Variants in CDK14 observed in about 807,000 individuals in gnomAD.
CDK14 encodes the protein cyclin-dependent kinase 14.
CDK14 carries 34 observed loss-of-function variants against 60.7 expected under a neutral mutation model. The ratio of observed to expected loss-of-function variants is 0.56; its 90% CI spans 0.43 to 0.75. CDK14 has a LOEUF of 0.75. Ranked by LOEUF, CDK14 falls within the 30% of genes least tolerant of loss-of-function variation. CDK14 has a pLI of 0.00. For missense variants in CDK14, 482 were observed against 564.1 expected (o/e 0.85, Z 1.47); for synonymous variants, 197 against 203.7 (o/e 0.97, Z 0.28).
intron 11 of CDK14, among the ~76,000 whole-genome samples, chr7:91,049,572 A>G (rs1797332986): frequency 6.6e-6 from 1 of 152,184 alleles, no homozygotes; most frequent in Admixed American, 6.5e-5. Flanking sequence ...ACAAATTCAT[A>G]TATGTGTATC....
At chr7:90,851,669 T>A (rs921933822) in intron 5 of CDK14, among the ~76,000 whole-genome samples, 2 of 152,150 alleles carry the variant, frequency 1.3e-5, no homozygotes, top group Admixed American at 6.5e-5. Flanking sequence ...CTTTCTCCAA[T>A]TCCTCTGTTT....
At chr7:91,205,661 ATT>A in intron 14 of CDK14, among the ~76,000 whole-genome samples, 1 of 152,358 alleles carries the variant, frequency 6.6e-6, no homozygotes, top group African/African-American at 2.4e-5. Context: ...ACTAAATTAT[ATT>A]CTTTTAAATG....
intron 2 of CDK14, among the ~76,000 whole-genome samples, chr7:90,655,965 T>C (rs1584773143): frequency 1.3e-5 from 2 of 152,210 alleles, no homozygotes; most frequent in South Asian, 4.1e-4. Context: ...AACTTTTTTG[T>C]GTCTCACCAA....
At chr7:90,804,044 C>A (rs1584907243) in intron 5 of CDK14, among the ~76,000 whole-genome samples, 1 of 152,098 alleles carries the variant, frequency 6.6e-6, no homozygotes, top group Non-Finnish European at 1.5e-5. Flanking sequence ...TCTTTGTATT[C>A]TATTATATGG....
chr7:90,907,854 T>C (rs1792763897), intron 7 of CDK14, among the ~76,000 whole-genome samples: 1 of 152,154 alleles, frequency 6.6e-6, no homozygotes. Context: ...AAGATTGTAT[T>C]ATACAGATGG....
intron 2 of CDK14, among the ~76,000 whole-genome samples, chr7:90,673,137 A>G (rs1274827785): frequency 6.6e-6 from 1 of 152,198 alleles, no homozygotes. Context: ...TAGTTTCCTC[A>G]TACACAGTTC....
intron 8 of CDK14, among the ~76,000 whole-genome samples, chr7:90,953,473 TC>T (rs1255549298): frequency 6.6e-6 from 1 of 152,188 alleles, no homozygotes; most frequent in Admixed American, 6.5e-5. Context: ...ATTTGTAGTT[TC>T]CAAAAATATT....
At chr7:91,156,804 G>T (rs888333198) in intron 14 of CDK14, among the ~76,000 whole-genome samples, 11 of 152,136 alleles carry the variant, frequency 7.2e-5, no homozygotes, top group Admixed American at 6.5e-5. Flanking sequence ...TCTTGGCAGG[G>T]TCCACACTTG....
chr7:91,175,533 G>A (rs1170752611), intron 14 of CDK14, among the ~76,000 whole-genome samples: 1 of 152,084 alleles, frequency 6.6e-6, no homozygotes, highest in Non-Finnish European at 1.5e-5. Context: ...AAAGAGTCAA[G>A]ACCCATCAGT....
At chr7:91,114,867 T>C (rs1799562264) in intron 13 of CDK14, among the ~76,000 whole-genome samples, 1 of 152,154 alleles carries the variant, frequency 6.6e-6, no homozygotes, top group African/African-American at 2.4e-5. Flanking sequence ...AACAAAGAAT[T>C]CCCAGACTTT....
chr7:90,694,115 T>C (rs1034801320), intron 2 of CDK14, among the ~76,000 whole-genome samples: 7 of 152,208 alleles, frequency 4.6e-5, no homozygotes, highest in Admixed American at 1.3e-4. Context: ...AGCTTACCTT[T>C]TATTATCTTT....
chr7:91,070,184 G>C (rs1007721701), intron 11 of CDK14, among the ~76,000 whole-genome samples: 2 of 152,146 alleles, frequency 1.3e-5, no homozygotes, highest in South Asian at 4.2e-4. Flanking sequence ...GTCTACATCA[G>C]ATCTCCTTGT....
intron 14 of CDK14, among the ~76,000 whole-genome samples, chr7:91,166,385 T>C (rs1389919283): frequency 6.6e-6 from 1 of 152,176 alleles, no homozygotes; most frequent in Non-Finnish European, 1.5e-5. Context: ...TAATAAAATG[T>C]ATAAATAAAT....
At chr7:90,968,158 A>G (rs1794812493) in intron 9 of CDK14, among the ~76,000 whole-genome samples, 1 of 152,172 alleles carries the variant, frequency 6.6e-6, no homozygotes, top group Non-Finnish European at 1.5e-5. Context: ...GGCTTTCTTA[A>G]TTTTAGATGC....
At chr7:91,056,575 C>T (rs1298511070) in intron 11 of CDK14, among the ~76,000 whole-genome samples, 1 of 132,006 alleles carries the variant, frequency 7.6e-6, no homozygotes, top group Non-Finnish European at 1.6e-5. Flanking sequence ...CACCCCACAA[C>T]AGGCCCCGGC....
chr7:91,165,810 A>G (rs568116340), intron 14 of CDK14, among the ~76,000 whole-genome samples: 1 of 152,368 alleles, frequency 6.6e-6, no homozygotes, highest in South Asian at 2.1e-4. Flanking sequence ...TCTCTATGGC[A>G]TTATCACTAT....
At chr7:90,774,407 C>T (rs939168835) in intron 4 of CDK14, among the ~76,000 whole-genome samples, 1 of 152,152 alleles carries the variant, frequency 6.6e-6, no homozygotes, top group African/African-American at 2.4e-5. Context: ...TTTTGAGTGA[C>T]ACCCTTATTT....
At chr7:90,966,590 G>C (rs1794757480) in intron 9 of CDK14, among the ~76,000 whole-genome samples, 1 of 151,960 alleles carries the variant, frequency 6.6e-6, no homozygotes, top group Non-Finnish European at 1.5e-5. Context: ...TTTCAGCTCA[G>C]TGCCTCACCC....
chr7:91,184,204 T>TAAAAACAAAAAAA (rs1802096884), intron 14 of CDK14, among the ~76,000 whole-genome samples: 1 of 36,676 alleles, frequency 2.7e-5, no homozygotes, highest in Non-Finnish European at 4.4e-5. Flanking sequence ...GGCTCCGTCT[T>TAAAAACAAAAAAA]AAAAAAAAAA....
Sources: allele counts gnomAD v4.1 joint callset (sites outside exome capture counted in the v4.1 genomes callset), GRCh38; gene constraint gnomAD v4.1.1; transcripts MANE v1.5; gene names NCBI Gene and HGNC (gene_info 2026-07-23, HGNC 2026-07-21).